The following NPEPPS variants were observed in gnomAD, a reference collection of about 807,000 sequenced individuals.
NPEPPS encodes puromycin-sensitive aminopeptidase.
Under a neutral mutation model 115.5 loss-of-function variants are expected in NPEPPS, and 14 were observed. The observed-to-expected ratio is 0.12, with a 90% confidence interval of 0.08 to 0.19. NPEPPS has a LOEUF of 0.19. NPEPPS is among the 10% of genes least tolerant of loss of function. The pLI is 1.00. For synonymous variants in NPEPPS, 285 were observed against 390.6 expected, an observed-to-expected ratio of 0.73 and a Z score of 3.19; for missense variants, 523 against 1,110.8, an observed-to-expected ratio of 0.47 and a Z score of 7.52.
At chr17:47,610,541 G>T (rs1913788747) in intron 17 of NPEPPS, among the ~76,000 whole-genome samples, 3 of 151,478 alleles carry the variant, frequency 2.0e-5, no homozygotes, top group Admixed American at 6.6e-5. Context: ...ACGCCACCAC[G>T]CCCAGCTAAT....
At chr17:47,567,040 A>G (rs1266076531) in intron 2 of NPEPPS, among the ~76,000 whole-genome samples, 1 of 152,128 alleles carries the variant, frequency 6.6e-6, no homozygotes, top group Non-Finnish European at 1.5e-5. Context: ...AGATAGCGCC[A>G]CTGTACTCCA....
chr17:47,562,636 ATG>A (rs1491190689), intron 2 of NPEPPS, among the ~76,000 whole-genome samples: 1 of 147,518 alleles, frequency 6.8e-6, no homozygotes, highest in Non-Finnish European at 1.5e-5. Context: ...GTGTGTGTAT[ATG>A]TGTGTGTTTG....
intron 1 of NPEPPS, among the ~76,000 whole-genome samples, chr17:47,524,442 G>A (rs1230451611): frequency 6.6e-6 from 1 of 151,906 alleles, no homozygotes; most frequent in African/African-American, 2.4e-5. Context: ...TCCCACTTTA[G>A]CCTCCCAAGT....
chr17:47,524,125 G>T (rs892341855), intron 1 of NPEPPS, among the ~76,000 whole-genome samples: 4 of 115,496 alleles, frequency 3.5e-5, no homozygotes, highest in African/African-American at 1.1e-4. Flanking sequence ...GGCCAACATG[G>T]TGAAACCCCC....
upstream of NPEPPS, among the ~76,000 whole-genome samples, chr17:47,529,343 TC>T (rs1353817223): frequency 6.7e-6 from 1 of 150,276 alleles, no homozygotes; most frequent in African/African-American, 2.4e-5. Flanking sequence ...GCTCAAGTGA[TC>T]CTCCCGTCTC....
chr17:47,593,286 G>T (rs565243534), intron 12 of NPEPPS, among the ~76,000 whole-genome samples: 5 of 152,214 alleles, frequency 3.3e-5, no homozygotes, highest in African/African-American at 1.2e-4. Context: ...TCTGGGCCGG[G>T]TGTGGTGGCT....
At chr17:47,558,744 G>A (rs1015603060) in intron 2 of NPEPPS, among the ~76,000 whole-genome samples, 2 of 152,120 alleles carry the variant, frequency 1.3e-5, no homozygotes, top group African/African-American at 4.8e-5. Flanking sequence ...TGTTAAGATA[G>A]GGTCTTGCGG....
intron 15 of NPEPPS, 196 bp downstream of exon 15, chr17:47,601,943 G>C (rs1245453794): frequency 5.4e-6 from 3 of 550,558 alleles, no homozygotes; most frequent in Non-Finnish European, 9.2e-6. Context: ...TAGAGAAGCA[G>C]ATCCAAAGGC....
intron 2 of NPEPPS, among the ~76,000 whole-genome samples, chr17:47,553,468 G>A (rs2143743703): frequency 6.6e-6 from 1 of 151,920 alleles, no homozygotes; most frequent in South Asian, 2.1e-4. Context: ...AATATACATT[G>A]AATGAAACGA....
intron 21 of NPEPPS, 125 bp downstream of exon 21, chr17:47,619,289 C>T (rs769539097): frequency 1.3e-5 from 13 of 966,992 alleles, no homozygotes; most frequent in Middle Eastern, 2.5e-4. Context: ...TGCAGTGGCT[C>T]ACGCCTGTAA....
chr17:47,540,042 C>T (rs1908639401), intron 1 of NPEPPS, among the ~76,000 whole-genome samples: 4 of 152,180 alleles, frequency 2.6e-5, no homozygotes, highest in Admixed American at 2.0e-4. Context: ...TCCTGAGTGA[C>T]TGTAGTAAAG....
chr17:47,562,605 AGAGTGTGT>A (rs1910501477), intron 2 of NPEPPS, among the ~76,000 whole-genome samples: 1 of 109,616 alleles, frequency 9.1e-6, no homozygotes, highest in African/African-American at 2.9e-5. Context: ...TTTTTGATGC[AGAGTGTGT>A]GTGTGTGTGT....
intron 2 of NPEPPS, among the ~76,000 whole-genome samples, chr17:47,549,704 C>T (rs960147553): frequency 6.7e-6 from 1 of 149,520 alleles, no homozygotes. Context: ...TCGCCTGAAC[C>T]CAGGAGGCGG....
intron 18 of NPEPPS, among the ~76,000 whole-genome samples, chr17:47,613,062 G>C (rs973473922): frequency 1.3e-5 from 2 of 151,936 alleles, no homozygotes; most frequent in African/African-American, 4.8e-5. Flanking sequence ...TACTATTTAA[G>C]TGGTTTATAG....
At chr17:47,600,129 C>T (rs1913102779) in intron 14 of NPEPPS, among the ~76,000 whole-genome samples, 1 of 152,090 alleles carries the variant, frequency 6.6e-6, no homozygotes, top group East Asian at 1.9e-4. Context: ...TAGAATTACT[C>T]TTTTAATGAA....
chr17:47,569,325 T>C, intron 2 of NPEPPS, 92 bp from the exon 3 acceptor site: 2 of 768,542 alleles, frequency 2.6e-6, no homozygotes, highest in Admixed American at 2.8e-5. Flanking sequence ...TATTTTGCTT[T>C]TGTAGAGATT....
chr17:47,556,407 A>C (rs1910038241), intron 2 of NPEPPS, among the ~76,000 whole-genome samples: 1 of 152,168 alleles, frequency 6.6e-6, no homozygotes, highest in Non-Finnish European at 1.5e-5. Context: ...GGGTAAGGTC[A>C]TAGATCAACA....
intron 3 of NPEPPS, among the ~76,000 whole-genome samples, chr17:47,571,823 C>T (rs1036583255): frequency 7.9e-5 from 12 of 152,162 alleles, no homozygotes; most frequent in African/African-American, 2.9e-4. Context: ...GCTGCATTGT[C>T]TGGTGAATCT....
chr17:47,561,488 T>A (rs1197455109), intron 2 of NPEPPS, among the ~76,000 whole-genome samples: 1 of 152,182 alleles, frequency 6.6e-6, no homozygotes, highest in African/African-American at 2.4e-5. Context: ...ACATATATTT[T>A]ATTGAAATAT....
Sources: gnomAD v4.1 joint callset for allele counts (sites outside exome capture counted in the v4.1 genomes callset) on GRCh38, gnomAD v4.1.1 for gene constraint, MANE v1.5 for transcripts, NCBI Gene and HGNC (gene_info 2026-07-23, HGNC 2026-07-21) for gene names.